The following MMP16 variants were observed in gnomAD, a reference collection of about 807,000 sequenced individuals.
MMP16 encodes the protein matrix metalloproteinase-16.
In MMP16, 12 loss-of-function variants were observed where a neutral mutation model predicts 67.8. The observed-to-expected ratio is 0.18, with a 90% confidence interval of 0.11 to 0.29. The LOEUF is 0.29. MMP16 is among the 10% of genes least tolerant of loss of function. MMP16 has a pLI of 1.00. For missense variants in MMP16, 475 were observed against 765.7 expected, an observed-to-expected ratio of 0.62 and a Z score of 4.48; for synonymous variants, 249 against 255.9, an observed-to-expected ratio of 0.97 and a Z score of 0.26.
At chr8:88,161,201 A>T (rs1197628195) in intron 4 of MMP16, among the ~76,000 whole-genome samples, 1 of 152,108 alleles carries the variant, frequency 6.6e-6, no homozygotes, top group Non-Finnish European at 1.5e-5. Flanking sequence ...TTGGTAGGCT[A>T]TTAATTATTG....
chr8:88,322,395 C>T (rs1811473752), intron 1 of MMP16, among the ~76,000 whole-genome samples: 1 of 152,130 alleles, frequency 6.6e-6, no homozygotes, highest in Non-Finnish European at 1.5e-5. Flanking sequence ...ATTTTCAGTA[C>T]ATTATATTTT....
chr8:88,259,813 C>G (rs1445914625), intron 1 of MMP16, among the ~76,000 whole-genome samples: 1 of 152,160 alleles, frequency 6.6e-6, no homozygotes, highest in African/African-American at 2.4e-5. Flanking sequence ...CACTCAGCTC[C>G]AGCTACTACT....
intron 1 of MMP16, among the ~76,000 whole-genome samples, chr8:88,312,902 A>G (rs1284166113): frequency 1.3e-5 from 2 of 152,174 alleles, no homozygotes; most frequent in Non-Finnish European, 1.5e-5. Context: ...CAGAAGGCAG[A>G]GGTTGCAGTG....
intron 1 of MMP16, among the ~76,000 whole-genome samples, chr8:88,312,609 C>A (rs1016987965): frequency 6.6e-6 from 1 of 152,122 alleles, no homozygotes; most frequent in Non-Finnish European, 1.5e-5. Context: ...CCTTCCCTCC[C>A]AGCCCTCCTG....
At chr8:88,115,155 A>G (rs1310835182) in intron 6 of MMP16, among the ~76,000 whole-genome samples, 8 of 152,188 alleles carry the variant, frequency 5.3e-5, no homozygotes, top group Non-Finnish European at 1.0e-4. Flanking sequence ...TTATGGTATC[A>G]AGGTATAAAG....
chr8:88,263,133 G>A (rs555924288), intron 1 of MMP16, among the ~76,000 whole-genome samples: 1 of 152,068 alleles, frequency 6.6e-6, no homozygotes, highest in African/African-American at 2.4e-5. Flanking sequence ...ATTTATGACA[G>A]AAAATCAATC....
At chr8:88,200,490 G>C (rs996155423) in intron 1 of MMP16, among the ~76,000 whole-genome samples, 3 of 151,836 alleles carry the variant, frequency 2.0e-5, no homozygotes, top group Non-Finnish European at 4.4e-5. Flanking sequence ...CAAACATCTT[G>C]CTACCTGGTA....
intron 4 of MMP16, among the ~76,000 whole-genome samples, chr8:88,142,588 TA>T (rs1359217114): frequency 2.6e-5 from 4 of 152,146 alleles, no homozygotes; most frequent in African/African-American, 9.7e-5. Context: ...TTTATATGAT[TA>T]AAAATATTAT....
At chr8:88,243,823 C>T (rs187472569) in intron 1 of MMP16, among the ~76,000 whole-genome samples, 79 of 152,200 alleles carry the variant, frequency 5.2e-4, no homozygotes, top group African/African-American at 1.8e-3. Flanking sequence ...GAGTAATAAA[C>T]TGCTTTCTAG....
intron 1 of MMP16, among the ~76,000 whole-genome samples, chr8:88,280,086 G>T (rs1364235271): frequency 6.6e-6 from 1 of 152,112 alleles, no homozygotes; most frequent in Non-Finnish European, 1.5e-5. Flanking sequence ...AGATAATCTT[G>T]AAGAATCTGA....
At chr8:88,315,728 C>T (rs545929776) in intron 1 of MMP16, among the ~76,000 whole-genome samples, 14 of 152,250 alleles carry the variant, frequency 9.2e-5, no homozygotes, top group South Asian at 4.1e-4. Flanking sequence ...AATTCTACAA[C>T]GGCCTATAAA....
chr8:88,277,349 G>A (rs563181443), intron 1 of MMP16, among the ~76,000 whole-genome samples: 10 of 152,190 alleles, frequency 6.6e-5, no homozygotes, highest in Admixed American at 5.9e-4. Context: ...ATTCTATTCA[G>A]GTTATTCAGA....
At chr8:88,274,019 T>C (rs1268342918) in intron 1 of MMP16, among the ~76,000 whole-genome samples, 2 of 152,124 alleles carry the variant, frequency 1.3e-5, no homozygotes, top group African/African-American at 2.4e-5. Flanking sequence ...TTATTGACTT[T>C]GAGAGAAATA....
chr8:88,261,861 C>A (rs775889588), intron 1 of MMP16, among the ~76,000 whole-genome samples: 9 of 151,970 alleles, frequency 5.9e-5, no homozygotes, highest in Non-Finnish European at 1.0e-4. Context: ...CTGGGCACTG[C>A]ACTTAGCATG....
intron 1 of MMP16, among the ~76,000 whole-genome samples, chr8:88,297,370 G>A (rs1424937113): frequency 1.3e-5 from 2 of 152,160 alleles, no homozygotes; most frequent in African/African-American, 4.8e-5. Context: ...TAATAACCAA[G>A]GAGGTCTCTG....
chr8:88,094,346 AATT>A (rs1438986641), intron 6 of MMP16, among the ~76,000 whole-genome samples: 1 of 151,744 alleles, frequency 6.6e-6, no homozygotes, highest in Non-Finnish European at 1.5e-5. Flanking sequence ...AAATATTTGA[AATT>A]ATTGATAGTA....
chr8:88,221,087 T>C (rs974754222), intron 1 of MMP16, among the ~76,000 whole-genome samples: 10 of 151,606 alleles, frequency 6.6e-5, no homozygotes, highest in African/African-American at 2.2e-4. Flanking sequence ...ATACCAGCCA[T>C]GGTAGAGCTG....
chr8:88,210,538 C>T (rs1809497526), intron 1 of MMP16, among the ~76,000 whole-genome samples: 1 of 152,112 alleles, frequency 6.6e-6, no homozygotes. Flanking sequence ...ACCGTACTCT[C>T]CCCCATATAC....
chr8:88,069,934 A>C (rs1808523546), intron 7 of MMP16, among the ~76,000 whole-genome samples: 1 of 152,124 alleles, frequency 6.6e-6, no homozygotes, highest in African/African-American at 2.4e-5. Context: ...TAGATTTTGT[A>C]ACTTTGAGAG....
Sources: gnomAD v4.1 joint callset for allele counts (sites outside exome capture counted in the v4.1 genomes callset) on GRCh38, gnomAD v4.1.1 for gene constraint, MANE v1.5 for transcripts, NCBI Gene and HGNC (gene_info 2026-07-23, HGNC 2026-07-21) for gene names.